Variants in PPP3CA observed in about 807,000 individuals in gnomAD.
The protein encoded by PPP3CA is CAM-PRP catalytic subunit.
A neutral mutation model predicts 66.5 loss-of-function variants in PPP3CA; 14 were observed. The observed-to-expected ratio is 0.21, with a 90% CI of 0.14 to 0.33. The LOEUF (loss-of-function observed/expected upper bound fraction) is 0.33. Ranked by LOEUF, PPP3CA falls within the 10% of genes least tolerant of loss-of-function variation. The pLI, the probability that PPP3CA is intolerant of heterozygous loss-of-function variation, is 1.00. For synonymous variants in PPP3CA, 232 were observed against 226.2 expected (o/e 1.03, Z -0.23); for missense variants, 317 against 639.5 (o/e 0.50, Z 5.44).
At chr4:101,126,608 C>T (rs1337725376) in intron 2 of PPP3CA, among the ~76,000 whole-genome samples, 1 of 152,058 alleles carries the variant, frequency 6.6e-6, no homozygotes, top group Non-Finnish European at 1.5e-5. Context: ...GATAATAGAC[C>T]TCTTTTTATG....
At chr4:101,229,937 G>A (rs1224722299) in intron 1 of PPP3CA, among the ~76,000 whole-genome samples, 4 of 151,654 alleles carry the variant, frequency 2.6e-5, no homozygotes, top group Admixed American at 2.6e-4. Context: ...TGGAAAAAGA[G>A]AGAGAGATAT....
chr4:101,336,466 G>A (rs1251324658), intron 1 of PPP3CA, among the ~76,000 whole-genome samples: 3 of 151,812 alleles, frequency 2.0e-5, no homozygotes, highest in Non-Finnish European at 2.9e-5. Flanking sequence ...CAGTTACTGG[G>A]GAGACTGAGG....
In PPP3CA at chr4:101,308,549, G is replaced by A. The variant is rs369463170; in HGVS notation, c.58+38190C>T. On this transcript the variant is annotated intron_variant, in intron 1 of 13. Coordinates refer to ENST00000394854, the MANE Select transcript of PPP3CA (RefSeq NM_000944.5). ...CAGCCTCCAACTCCTGGGCTCAAGTGATCTTGCAGCTTCAGCCTCCCAAGT... is the reference window on the plus strand; with the variant it reads ...CAGCCTCCAACTCCTGGGCTCAAGTAATCTTGCAGCTTCAGCCTCCCAAGT... Among the ~76,000 whole-genome samples the A allele has an allele frequency of 2.0e-3, 299 of 152,144 alleles. 2 individuals are homozygous for A. Among genetic ancestry groups the A allele is most frequent in the African/African-American group, 6.9e-3 (288 of 41,502 alleles).
chr4:101,293,921 T>C (rs1728111637), intron 1 of PPP3CA, among the ~76,000 whole-genome samples: 1 of 152,096 alleles, frequency 6.6e-6, no homozygotes. Flanking sequence ...CATCAGACAC[T>C]AGGAACGGGC....
At chr4:101,061,754 G>A (rs952506) in intron 9 of PPP3CA, among the ~76,000 whole-genome samples, 28,463 of 151,922 alleles carry the variant, frequency 0.19, 2,876 homozygotes, top group Middle Eastern at 0.31. Flanking sequence ...AGTTTAATCA[G>A]AAATTTACTT....
At chr4:101,124,720 AG>A (rs1259396469) in intron 2 of PPP3CA, among the ~76,000 whole-genome samples, 48 of 81,840 alleles carry the variant, frequency 5.9e-4, no homozygotes, top group African/African-American at 2.0e-3. Context: ...AAAGAAAGAA[AG>A]AAAGAGAAAG....
intron 6 of PPP3CA, among the ~76,000 whole-genome samples, chr4:101,084,243 G>A (rs1382190406): frequency 1.3e-5 from 2 of 152,096 alleles, no homozygotes; most frequent in African/African-American, 4.8e-5. Context: ...AAACATTCTA[G>A]TAATGTATGT....
At chr4:101,102,966 G>A (rs910711037) in intron 3 of PPP3CA, among the ~76,000 whole-genome samples, 1 of 152,076 alleles carries the variant, frequency 6.6e-6, no homozygotes, top group African/African-American at 2.4e-5. Flanking sequence ...ACACTTTAAG[G>A]TTAGTTTAGG....
At chr4:101,055,827 T>C (rs1183774592) in intron 10 of PPP3CA, among the ~76,000 whole-genome samples, 22 of 152,042 alleles carry the variant, frequency 1.4e-4, no homozygotes, top group Admixed American at 1.4e-3. Flanking sequence ...TATTTCTTCA[T>C]TTCATAGAAT....
intron 1 of PPP3CA, among the ~76,000 whole-genome samples, chr4:101,260,401 C>G (rs1285454090): frequency 4.6e-5 from 7 of 152,100 alleles, no homozygotes; most frequent in Non-Finnish European, 1.0e-4. Flanking sequence ...GGAAGTCTAG[C>G]ACAAAATTTA....
At chr4:101,298,455 C>T (rs1728264216) in intron 1 of PPP3CA, among the ~76,000 whole-genome samples, 1 of 151,670 alleles carries the variant, frequency 6.6e-6, no homozygotes, top group South Asian at 2.1e-4. Context: ...TGCATGCCTC[C>T]CCTGCCACCT....
chr4:101,298,868 TG>T (rs1728279885), intron 1 of PPP3CA, among the ~76,000 whole-genome samples: 2 of 118,942 alleles, frequency 1.7e-5, no homozygotes, highest in Non-Finnish European at 3.5e-5. Flanking sequence ...TGTGTGTGTG[TG>T]TGTGTGTGTG....
At chr4:101,307,910 G>T (rs1332037036) in intron 1 of PPP3CA, among the ~76,000 whole-genome samples, 2 of 152,168 alleles carry the variant, frequency 1.3e-5, no homozygotes, top group African/African-American at 4.8e-5. Flanking sequence ...TTCAGTAAAA[G>T]ACACAATCTT....
intron 6 of PPP3CA, among the ~76,000 whole-genome samples, chr4:101,085,592 A>G (rs1729629626): frequency 6.6e-6 from 1 of 152,144 alleles, no homozygotes; most frequent in Non-Finnish European, 1.5e-5. Flanking sequence ...AACTTCAGAC[A>G]TTTTCAAAAC....
At chr4:101,242,370 T>TA (rs1415596041) in intron 1 of PPP3CA, among the ~76,000 whole-genome samples, 5 of 152,090 alleles carry the variant, frequency 3.3e-5, no homozygotes, top group African/African-American at 7.2e-5. Context: ...AACTACATTT[T>TA]AAAAAATCAC....
At chr4:101,219,966 T>G (rs1387398199) in intron 1 of PPP3CA, among the ~76,000 whole-genome samples, 1 of 151,808 alleles carries the variant, frequency 6.6e-6, no homozygotes, top group Non-Finnish European at 1.5e-5. Flanking sequence ...TCATTTTCCA[T>G]GAAGTTAAGT....
chr4:101,237,223 CAT>C (rs1449014557), intron 1 of PPP3CA, among the ~76,000 whole-genome samples: 2 of 18,124 alleles, frequency 1.1e-4, no homozygotes, highest in African/African-American at 3.4e-4. Context: ...CAGAAAATAT[CAT>C]AGCTGCAATT....
chr4:101,110,167 C>T (rs1578457023), intron 2 of PPP3CA, among the ~76,000 whole-genome samples: 1 of 152,092 alleles, frequency 6.6e-6, no homozygotes, highest in Non-Finnish European at 1.5e-5. Flanking sequence ...GATGTGGCTG[C>T]TTCTGCAACA....
chr4:101,074,987 A>G (rs1262857025), intron 8 of PPP3CA, among the ~76,000 whole-genome samples: 1 of 152,182 alleles, frequency 6.6e-6, no homozygotes, highest in Non-Finnish European at 1.5e-5. Context: ...GTCAAAGGAG[A>G]AGCAAAGGCA....
Sources: gnomAD v4.1 joint callset for allele counts (sites outside exome capture counted in the v4.1 genomes callset) on GRCh38, gnomAD v4.1.1 for gene constraint, MANE v1.5 for transcripts, NCBI Gene and HGNC (gene_info 2026-07-23, HGNC 2026-07-21) for gene names.